Variants in ESRRG observed in about 807,000 individuals in gnomAD.
The protein encoded by ESRRG is estrogen related receptor gamma.
A neutral mutation model predicts 44.0 loss-of-function variants in ESRRG; 13 were observed. That is an observed-to-expected ratio of 0.30 (90% CI 0.19 to 0.47). ESRRG has a LOEUF of 0.47. Ranked by LOEUF, ESRRG falls within the 20% of genes least tolerant of loss-of-function variation. The pLI, the probability that ESRRG is intolerant of heterozygous loss-of-function variation, is 1.00. For synonymous variants in ESRRG, 215 were observed against 214.6 expected (o/e 1.00, Z -0.02); for missense variants, 395 against 580.6 (o/e 0.68, Z 3.29).
At chr1:216,734,904 C>CTTTTTTTTT (rs11309409) in intron 2 of ESRRG, among the ~76,000 whole-genome samples, 10 of 100,374 alleles carry the variant, frequency 1.0e-4, no homozygotes, top group African/African-American at 3.6e-4. Context: ...GTTCCATATT[C>CTTTTTTTTT]TTTTTTTTTT....
intron 1 of ESRRG, among the ~76,000 whole-genome samples, chr1:217,097,862 A>G (rs1264066445): frequency 6.6e-6 from 1 of 150,932 alleles, no homozygotes; most frequent in Non-Finnish European, 1.5e-5. Flanking sequence ...AAAAAAAAAG[A>G]TGATCTCAGG....
chr1:216,958,628 T>G (rs976492892), intron 1 of ESRRG, among the ~76,000 whole-genome samples: 1 of 152,206 alleles, frequency 6.6e-6, no homozygotes, highest in African/African-American at 2.4e-5. Context: ...TTTAAAAATA[T>G]GTTAGTTCTT....
intron 2 of ESRRG, among the ~76,000 whole-genome samples, chr1:216,748,227 A>G (rs2091632276): frequency 6.6e-6 from 1 of 152,174 alleles, no homozygotes; most frequent in South Asian, 2.1e-4. Context: ...CAAGTATCAC[A>G]CTAGTTAATC....
At position 216,821,768 on chromosome 1, in the gene ESRRG, A is replaced by G. The variant is rs151225692; in HGVS notation, c.-14+117814T>C. On this transcript the variant is annotated intron_variant, in intron 2 of 7. Coordinates refer to the ESRRG transcript ENST00000359162. ...AAATTTAATTTAAAAAACAATAAGA[A>G]CATTTAAAAAATTTTAAAAATGAAA... is the stretch of plus-strand genomic sequence containing the variant. Among the ~76,000 whole-genome samples, 449 of 151,220 alleles carry G rather than the reference A, an allele frequency of 3.0e-3. 9 individuals carry two copies. The East Asian group carries it at 0.038, about 13-fold the overall frequency.
intron 3 of ESRRG, among the ~76,000 whole-genome samples, chr1:216,581,760 G>A (rs558678400): frequency 6.6e-6 from 1 of 152,316 alleles, no homozygotes; most frequent in South Asian, 2.1e-4. Flanking sequence ...TTGTGGGAGT[G>A]GGGTGGGCAA....
chr1:216,682,194 G>A lies in ESRRG; in HGVS notation c.57-4703C>T, dbSNP rs531761856. 2.0e-5 allele frequency among the ~76,000 whole-genome samples: 3 copies of A among 152,284 alleles called. No individual in the cohort carries two copies. In the South Asian group the frequency reaches 6.2e-4, roughly 32 times the overall value. On this transcript the variant is annotated intron_variant, in intron 1 of 6. Coordinates refer to ENST00000408911, the MANE Select transcript of ESRRG (RefSeq NM_001438.4). ...CAAATGGAGAAATAAATGGGAAAATGGGTGCATAAAATTCTCATAAGGAAT... is the reference window on the plus strand; with the variant it reads ...CAAATGGAGAAATAAATGGGAAAATAGGTGCATAAAATTCTCATAAGGAAT...
At chr1:216,790,862 G>C (rs960675931) in intron 2 of ESRRG, among the ~76,000 whole-genome samples, 1 of 152,078 alleles carries the variant, frequency 6.6e-6, no homozygotes, top group Non-Finnish European at 1.5e-5. Flanking sequence ...TTGGATCTGG[G>C]ACAGCCATCT....
intron 1 of ESRRG, among the ~76,000 whole-genome samples, chr1:217,026,912 C>CAGAGAGAGAGAGAGAGAG (rs71163786): frequency 2.6e-4 from 24 of 93,458 alleles, no homozygotes; most frequent in African/African-American, 5.2e-4. Context: ...CACACACACA[C>CAGAGAGAGAGAGAGAGAG]AGAGAGAGAG....
intron 3 of ESRRG, among the ~76,000 whole-genome samples, chr1:216,581,763 G>T (rs186729803): frequency 7.2e-5 from 11 of 152,328 alleles, no homozygotes; most frequent in Admixed American, 4.6e-4. Flanking sequence ...TGGGAGTGGG[G>T]TGGGCAATCT....
At chr1:217,052,959 G>A (rs1336988701) in intron 1 of ESRRG, among the ~76,000 whole-genome samples, 1 of 151,928 alleles carries the variant, frequency 6.6e-6, no homozygotes, top group African/African-American at 2.4e-5. Context: ...GAGATCCAGA[G>A]GTACCTTGCT....
At chr1:216,625,577 C>T (rs1208922217) in intron 3 of ESRRG, among the ~76,000 whole-genome samples, 2 of 152,094 alleles carry the variant, frequency 1.3e-5, no homozygotes, top group Admixed American at 6.5e-5. Flanking sequence ...ACATAGGAAG[C>T]AATATATTGT....
At chr1:217,041,317 C>T (rs1335087301) in intron 1 of ESRRG, among the ~76,000 whole-genome samples, 1 of 152,166 alleles carries the variant, frequency 6.6e-6, no homozygotes, top group Non-Finnish European at 1.5e-5. Context: ...CCCTATCATT[C>T]TTCTGATACA....
chr1:217,125,966 G>A (rs2102516693), intron 1 of ESRRG, among the ~76,000 whole-genome samples: 1 of 152,128 alleles, frequency 6.6e-6, no homozygotes, highest in South Asian at 2.1e-4. Context: ...TCTAGAGCAG[G>A]GCCCAGGGCT....
chr1:217,051,876 C>A (rs540490303), intron 1 of ESRRG, among the ~76,000 whole-genome samples: 17 of 152,284 alleles, frequency 1.1e-4, no homozygotes, highest in Non-Finnish European at 2.1e-4. Context: ...AATCCTCCCC[C>A]CTCAGCCTCC....
At chr1:216,522,557 G>C (rs2046416179) in intron 5 of ESRRG, among the ~76,000 whole-genome samples, 1 of 152,022 alleles carries the variant, frequency 6.6e-6, no homozygotes, top group African/African-American at 2.4e-5. Context: ...CCAAATGCCT[G>C]AGCAGCAGTT....
intron 2 of ESRRG, among the ~76,000 whole-genome samples, chr1:216,776,214 T>G (rs1367686142): frequency 6.6e-6 from 1 of 152,094 alleles, no homozygotes; most frequent in African/African-American, 2.4e-5. Flanking sequence ...CTACCAAGCT[T>G]ATTAATAACA....
At chr1:216,799,228 G>T (rs1011476570) in intron 2 of ESRRG, among the ~76,000 whole-genome samples, 1 of 152,008 alleles carries the variant, frequency 6.6e-6, no homozygotes, top group African/African-American at 2.4e-5. Context: ...TCTTGACTCA[G>T]GAATTCCGAT....
chr1:216,576,085 G>T (rs1413457937), intron 3 of ESRRG, among the ~76,000 whole-genome samples: 1 of 152,006 alleles, frequency 6.6e-6, no homozygotes, highest in Non-Finnish European at 1.5e-5. Context: ...GATTAGACAA[G>T]GTGTGTATTT....
At chr1:217,043,902 A>G (rs1478952392) in intron 1 of ESRRG, among the ~76,000 whole-genome samples, 1 of 151,910 alleles carries the variant, frequency 6.6e-6, no homozygotes, top group East Asian at 1.9e-4. Flanking sequence ...CCCTTCCCTA[A>G]TACCACTACC....
Sources: allele counts gnomAD v4.1 joint callset (sites outside exome capture counted in the v4.1 genomes callset), GRCh38; gene constraint gnomAD v4.1.1; transcripts MANE v1.5; gene names NCBI Gene and HGNC (gene_info 2026-07-23, HGNC 2026-07-21).